The following GAPVD1 variants were observed in gnomAD, a reference collection of about 807,000 sequenced individuals.
GAPVD1 encodes GTPase activating protein and VPS9 domains 1, also known as GTPase-activating protein and VPS9 domain-containing protein 1.
A neutral mutation model predicts 155.5 loss-of-function variants in GAPVD1; 35 were observed. The observed-to-expected ratio is 0.23, with a 90% CI of 0.17 to 0.30. The LOEUF (loss-of-function observed/expected upper bound fraction) is 0.30. GAPVD1 is among the 10% of genes least tolerant of loss of function. The pLI is 1.00. For synonymous variants in GAPVD1, 636 were observed against 619.7 expected (o/e 1.03, Z -0.39); for missense variants, 1,429 against 1,775.7 (o/e 0.80, Z 3.51).
rs1841040850 is a variant in GAPVD1, at chr9:125,302,376, A to G, written c.579A>G (p.Lys193=). The part of the protein sequence containing the change: ...KLFSEGLFSA[K]LFLTATLHEP... Reference sequence around the variant, plus strand: ...TTTCTGAAGGACTGTTTTCTGCCAAACTTTTCCTCACAGCCACTTTACATG... The same window carrying G: ...TTTCTGAAGGACTGTTTTCTGCCAAGCTTTTCCTCACAGCCACTTTACATG... Residue 193 remains lysine, a synonymous_variant, in exon 5 of 28, where the codon AAA becomes AAG. Transcript: ENST00000297933. 2 of 1,613,992 alleles carry G rather than the reference A, an allele frequency of 1.2e-6. No homozygotes were observed. The highest frequency in any genetic ancestry group is 1.7e-6 in the Non-Finnish European group (2 of 1,180,012).
chr9:125,335,155 T>C (rs375732050), intron 15 of GAPVD1: 3 of 751,424 alleles, frequency 4.0e-6, no homozygotes, highest in Non-Finnish European at 7.3e-6. Context: ...TCCAACTACA[T>C]GTCCGTGTGA....
At chr9:125,289,349 T>G (rs1838230265) in intron 2 of GAPVD1, among the ~76,000 whole-genome samples, 1 of 151,938 alleles carries the variant, frequency 6.6e-6, no homozygotes, top group Admixed American at 6.6e-5. Context: ...GAGCAAAGAC[T>G]GAAGCATAGT....
At chr9:125,354,870 T>C in intron 24 of GAPVD1, 29 bp downstream of exon 24, 3 of 1,453,100 alleles carry the variant, frequency 2.1e-6, no homozygotes, top group Non-Finnish European at 2.9e-6. Context: ...TTTAAGCATC[T>C]CTTCACCTGT....
At chr9:125,289,251 A>T (rs945552370) in intron 2 of GAPVD1, among the ~76,000 whole-genome samples, 4 of 152,036 alleles carry the variant, frequency 2.6e-5, no homozygotes, top group African/African-American at 9.7e-5. Context: ...GCTGAGATGA[A>T]CATTTGCAGG....
chr9:125,274,391 G>A (rs953309476), intron 2 of GAPVD1, among the ~76,000 whole-genome samples: 1 of 151,094 alleles, frequency 6.6e-6, no homozygotes, highest in South Asian at 2.1e-4. Flanking sequence ...ACATATGCAT[G>A]CACTTACCAT....
chr9:125,359,465 A>G lies in GAPVD1; in HGVS notation c.4017A>G (p.Ala1339=), dbSNP rs1850610968. The G allele has an allele frequency of 6.9e-6, 11 of 1,592,208 alleles. No individual in the cohort carries two copies. The East Asian group carries it at 2.2e-4, about 32-fold the overall frequency. The change falls in exon 26 of 28, where the codon GCA becomes GCG. Residue 1339 remains alanine (A), a synonymous_variant. Coordinates refer to ENST00000297933, the MANE Select transcript of GAPVD1 (RefSeq NM_001282680.3). The stretch of plus-strand genomic sequence containing the variant: ...AGAGATTGTCTAAAGTAGTGACTGC[A>G]AATCACAGAGCTCTTCAGATACCAG... ...HIQRLSKVVT[A]NHRALQIPEV...
chr9:125,349,605 C>A, intron 21 of GAPVD1, 86 bp downstream of exon 21: 3 of 1,144,184 alleles, frequency 2.6e-6, no homozygotes, highest in Non-Finnish European at 2.6e-6. Flanking sequence ...TGTTTTGAGT[C>A]AATAAATGTA....
At chr9:125,335,252 A>C (rs898748929) in intron 15 of GAPVD1, 1 of 753,528 alleles carries the variant, frequency 1.3e-6, no homozygotes. Flanking sequence ...GCTGTCTTCT[A>C]GTAAGCTGTA....
chr9:125,316,641 G>C (rs1438307294), intron 9 of GAPVD1, among the ~76,000 whole-genome samples: 1 of 152,178 alleles, frequency 6.6e-6, no homozygotes, highest in East Asian at 1.9e-4. Flanking sequence ...GTCTATTGTT[G>C]ATGGGCATTT....
intron 8 of GAPVD1, among the ~76,000 whole-genome samples, chr9:125,310,521 G>T (rs1002856779): frequency 4.0e-5 from 6 of 148,674 alleles, no homozygotes; most frequent in African/African-American, 1.5e-4. Flanking sequence ...AAAGAAAATA[G>T]AAACTTTTTT....
intron 1 of GAPVD1, among the ~76,000 whole-genome samples, chr9:125,266,326 T>A (rs1455140998): frequency 2.6e-5 from 4 of 151,532 alleles, no homozygotes; most frequent in Non-Finnish European, 5.9e-5. Flanking sequence ...TTTATTTTTT[T>A]TTTTTTAGAC....
At position 125,346,890 on chromosome 9, in the gene GAPVD1, A is replaced by G. The variant is rs1430941294; in HGVS notation, c.3118A>G (p.Ile1040Val). 3 of 1,613,426 alleles carry G rather than the reference A, an allele frequency of 1.9e-6. No individual in the cohort carries two copies. Among genetic ancestry groups the G allele is most frequent in the African/African-American group, 1.3e-5 (1 of 74,936 alleles). ...EDILDKYRNA[I>V]KRTSPSDGAM... ...TATTCTGGACAAATACAGGAATGCC[A>G]TTAAACGGACCAGCCCCAGTGATGG... Residue 1040 changes from isoleucine (I) to valine (V), a missense_variant, in exon 20 of 28, where the codon ATT becomes GTT. Transcript: ENST00000297933.
intron 3 of GAPVD1, among the ~76,000 whole-genome samples, chr9:125,296,904 C>T (rs1008782646): frequency 6.6e-6 from 1 of 151,896 alleles, no homozygotes; most frequent in Admixed American, 6.6e-5. Flanking sequence ...AAGTGAGCCA[C>T]CTGCCTTGGC....
At chr9:125,289,979 G>C (rs146590695) in intron 2 of GAPVD1, among the ~76,000 whole-genome samples, 75 of 152,318 alleles carry the variant, frequency 4.9e-4, no homozygotes, top group African/African-American at 1.7e-3. Context: ...GGGTGTCCTA[G>C]AAGTCAAAGA....
intron 12 of GAPVD1, among the ~76,000 whole-genome samples, chr9:125,328,879 G>A (rs915098764): frequency 6.6e-6 from 1 of 152,238 alleles, no homozygotes; most frequent in South Asian, 2.1e-4. Context: ...GCCGGGCAGG[G>A]GGGCTCACCT....
intron 23 of GAPVD1, among the ~76,000 whole-genome samples, chr9:125,351,983 C>A (rs1006968030): frequency 6.6e-6 from 1 of 152,160 alleles, no homozygotes; most frequent in African/African-American, 2.4e-5. Context: ...TCAAGTGATC[C>A]ACCTAACTCA....
chr9:125,316,580 T>C (rs576195670), intron 9 of GAPVD1, among the ~76,000 whole-genome samples: 8 of 152,376 alleles, frequency 5.3e-5, no homozygotes, highest in African/African-American at 1.7e-4. Context: ...AATCCTTTTT[T>C]ATGGCTGCAT....
chr9:125,351,040 T>C (rs1300786151), intron 23 of GAPVD1, among the ~76,000 whole-genome samples, 168 bp downstream of exon 23: 2 of 152,230 alleles, frequency 1.3e-5, no homozygotes, highest in Non-Finnish European at 2.9e-5. Context: ...GATAAAGATA[T>C]ACCCGAGACT....
At chr9:125,321,655 C>T in intron 10 of GAPVD1, 93 bp downstream of exon 10, 2 of 1,141,830 alleles carry the variant, frequency 1.8e-6, no homozygotes, top group Non-Finnish European at 2.5e-6. Context: ...ATTATACCAT[C>T]TGTGCTTCTC....
Sources: allele counts gnomAD v4.1 joint callset (sites outside exome capture counted in the v4.1 genomes callset), GRCh38; gene constraint gnomAD v4.1.1; transcripts MANE v1.5; gene names NCBI Gene and HGNC (gene_info 2026-07-23, HGNC 2026-07-21).